EPB41L4B: variants seen among roughly 807,000 people sequenced by gnomAD.
EPB41L4B encodes the protein erythrocyte membrane protein band 4.1 like 4B, also known as band 4.1-like protein 4B.
In EPB41L4B, 30 loss-of-function variants were observed where a neutral mutation model predicts 112.5. That is an observed-to-expected ratio of 0.27 (90% CI 0.20 to 0.36). The LOEUF (loss-of-function observed/expected upper bound fraction) is 0.36. EPB41L4B is among the 10% of genes least tolerant of loss of function. The probability of loss-of-function intolerance (pLI) is 1.00; values close to 1 mark genes in which losing one functional copy is unlikely to be tolerated. For synonymous variants in EPB41L4B, 408 were observed against 439.7 expected (o/e 0.93, Z 0.90); for missense variants, 1,024 against 1,133.3 (o/e 0.90, Z 1.38).
intron 1 of EPB41L4B, among the ~76,000 whole-genome samples, chr9:109,302,713 A>T (rs1837016784): frequency 6.6e-6 from 1 of 152,092 alleles, no homozygotes; most frequent in Non-Finnish European, 1.5e-5. Flanking sequence ...TTGCTGGCCA[A>T]CTTCGGTCCT....
At chr9:109,200,512 T>C (rs41278381) in intron 19 of EPB41L4B, among the ~76,000 whole-genome samples, 178 bp from the exon 20 acceptor site, 4,845 of 152,142 alleles carry the variant, frequency 0.032, 111 homozygotes, top group Admixed American at 0.043. Flanking sequence ...TTTAAAACCA[T>C]AGAAAATCCA....
intron 1 of EPB41L4B, among the ~76,000 whole-genome samples, chr9:109,302,559 C>T (rs1238921296): frequency 2.0e-5 from 3 of 152,072 alleles, no homozygotes; most frequent in Non-Finnish European, 2.9e-5. Flanking sequence ...ACCTCCTTAG[C>T]CAAGTTGGAA....
intron 1 of EPB41L4B, among the ~76,000 whole-genome samples, chr9:109,288,187 C>T (rs923149835): frequency 6.6e-6 from 1 of 152,252 alleles, no homozygotes; most frequent in Non-Finnish European, 1.5e-5. Flanking sequence ...GCCTCTGCTG[C>T]TGCGAGAGGA....
At chr9:109,245,005 G>A (rs760102456) in intron 14 of EPB41L4B, among the ~76,000 whole-genome samples, 4 of 152,100 alleles carry the variant, frequency 2.6e-5, no homozygotes, top group Admixed American at 6.5e-5. Flanking sequence ...CTTCAAAGAC[G>A]CCTGTCAGCA....
intron 15 of EPB41L4B, among the ~76,000 whole-genome samples, chr9:109,222,834 C>A (rs536110105): frequency 1.5e-4 from 23 of 152,162 alleles, no homozygotes; most frequent in Non-Finnish European, 2.4e-4. Context: ...CTGGTGCCCC[C>A]TTAGACACTG....
intron 2 of EPB41L4B, among the ~76,000 whole-genome samples, chr9:109,271,513 G>A (rs192813353): frequency 5.9e-5 from 9 of 152,200 alleles, no homozygotes; most frequent in Admixed American, 3.9e-4. Context: ...TAGCTGCAGG[G>A]GCCTTCCAGA....
intron 1 of EPB41L4B, among the ~76,000 whole-genome samples, chr9:109,302,309 C>T (rs370122539): frequency 6.6e-6 from 1 of 152,148 alleles, no homozygotes; most frequent in Admixed American, 6.5e-5. Flanking sequence ...GGTAGATGGT[C>T]GTCTTCTCCT....
At chr9:109,314,207 C>T (rs1225072817) in intron 1 of EPB41L4B, among the ~76,000 whole-genome samples, 1 of 152,180 alleles carries the variant, frequency 6.6e-6, no homozygotes, top group Admixed American at 6.5e-5. Context: ...GGAAGTCAAG[C>T]AGTGGGCAAG....
chr9:109,198,779 G>A lies in EPB41L4B; in HGVS notation c.2045+1457C>T, dbSNP rs368082945. On this transcript the variant is annotated intron_variant, in intron 20 of 25. Transcript: ENST00000374566. ...AAAAAAATTAGCTGGGTGTGGTGGC[G>A]GGCACCTGTAATCCCAACTACTTGG... 1.5e-4 allele frequency among the ~76,000 whole-genome samples: 23 copies of A among 152,022 alleles called. No individual in the cohort carries two copies. In the East Asian group the frequency reaches 2.7e-3, roughly 18 times the overall value.
At chr9:109,278,171 G>T (rs1194647438) in intron 2 of EPB41L4B, among the ~76,000 whole-genome samples, 2 of 152,120 alleles carry the variant, frequency 1.3e-5, no homozygotes, top group Non-Finnish European at 2.9e-5. Flanking sequence ...AAGTTGTTCT[G>T]CCCTTCTCCC....
At chr9:109,273,013 C>T (rs1386690627) in intron 2 of EPB41L4B, among the ~76,000 whole-genome samples, 1 of 152,078 alleles carries the variant, frequency 6.6e-6, no homozygotes, top group African/African-American at 2.4e-5. Context: ...CCTAAAGTGC[C>T]TTCTCTGCCT....
chr9:109,192,729 G>A (rs559918801), intron 21 of EPB41L4B, among the ~76,000 whole-genome samples: 104 of 152,294 alleles, frequency 6.8e-4, no homozygotes, highest in African/African-American at 2.1e-3. Flanking sequence ...TCCTCCAGGA[G>A]CTAAACTGAT....
chr9:109,203,528 A>G (rs1832901605), intron 19 of EPB41L4B, 135 bp downstream of exon 19: 1 of 699,550 alleles, frequency 1.4e-6, no homozygotes. Context: ...GTCTTTTTCC[A>G]TCTCTTTGGG....
chr9:109,241,851 G>A lies in EPB41L4B; in HGVS notation c.1409+1767C>T, dbSNP rs1028471195. The stretch of plus-strand genomic sequence containing the variant: ...GCGAATGGTTAGTGGGAGAATGGAA[G>A]AAAATGCAGAAATGTAAGTGAAACA... On this transcript the variant is annotated intron_variant, in intron 15 of 25. Transcript: ENST00000374566. 4.4e-6 allele frequency: 7 copies of A among 1,601,396 alleles called. No homozygotes were observed. The Middle Eastern group carries it at 6.7e-4, about 152-fold the overall frequency.
At chr9:109,277,315 CAA>C (rs35489544) in intron 2 of EPB41L4B, among the ~76,000 whole-genome samples, 23 of 112,268 alleles carry the variant, frequency 2.0e-4, no homozygotes, top group Non-Finnish European at 2.3e-4. Flanking sequence ...AGTAGACATG[CAA>C]AAAAAAAAAA....
intron 1 of EPB41L4B, among the ~76,000 whole-genome samples, chr9:109,303,097 AG>A (rs1295244700): frequency 1.3e-5 from 2 of 150,256 alleles, no homozygotes; most frequent in Middle Eastern, 6.8e-3. Context: ...AAAAAAAAAG[AG>A]AAAAGAAAAG....
At position 109,184,071 on chromosome 9, in the gene EPB41L4B, T is replaced by G. The variant is rs7037374; in HGVS notation, c.2419-1274A>C. On this transcript the variant is annotated intron_variant, in intron 23 of 25. Coordinates refer to ENST00000374566, the MANE Select transcript of EPB41L4B (RefSeq NM_019114.5). ...CCTGAAATTGCCTTTTTGACTCAGG[T>G]GAGAGAAGGACCCTTGGGGTGAAGT... Among the ~76,000 whole-genome samples, 728 of 152,346 alleles carry G rather than the reference T, an allele frequency of 4.8e-3. 8 individuals are homozygous for G. Among genetic ancestry groups the G allele is most frequent in the African/African-American group, 0.017 (699 of 41,588 alleles).
At chr9:109,196,136 CTTT>C (rs1396687150) in intron 20 of EPB41L4B, 2 of 151,044 alleles carry the variant, frequency 1.3e-5, no homozygotes, top group Admixed American at 6.6e-5. Flanking sequence ...TGCCTATTTA[CTTT>C]TTTTTCTTTT....
At chr9:109,302,378 T>C (rs1023954230) in intron 1 of EPB41L4B, among the ~76,000 whole-genome samples, 6 of 152,232 alleles carry the variant, frequency 3.9e-5, no homozygotes, top group African/African-American at 1.4e-4. Context: ...TCTTCTTAGA[T>C]GACACCAGTC....
Sources: gnomAD v4.1 joint callset for allele counts (sites outside exome capture counted in the v4.1 genomes callset) on GRCh38, gnomAD v4.1.1 for gene constraint, MANE v1.5 for transcripts, NCBI Gene and HGNC (gene_info 2026-07-23, HGNC 2026-07-21) for gene names.